The following ABCC1 variants were observed in gnomAD, a reference collection of about 807,000 sequenced individuals.
The protein encoded by ABCC1 is ATP binding cassette subfamily C member 1 (ABCC1 blood group), also known as multidrug resistance-associated protein 1.
Under a neutral mutation model 172.9 loss-of-function variants are expected in ABCC1, and 83 were observed. The ratio of observed to expected loss-of-function variants is 0.48; its 90% CI spans 0.40 to 0.58. ABCC1 has a LOEUF of 0.58. Among genes scored for constraint, ABCC1 ranks in the 20% least tolerant of loss-of-function variants. The probability of loss-of-function intolerance (pLI) is 0.00; values close to 1 mark genes in which losing one functional copy is unlikely to be tolerated. For synonymous variants in ABCC1, 937 were observed against 825.2 expected, an observed-to-expected ratio of 1.14 and a Z score of -2.32; for missense variants, 1,817 against 2,002.7, an observed-to-expected ratio of 0.91 and a Z score of 1.77.
At chr16:15,959,634 C>G (rs1029446851) in intron 1 of ABCC1, among the ~76,000 whole-genome samples, 1 of 152,166 alleles carries the variant, frequency 6.6e-6, no homozygotes, top group Non-Finnish European at 1.5e-5. Context: ...CCGAAAATGG[C>G]TTTCTTGAGA....
intron 21 of ABCC1, among the ~76,000 whole-genome samples, chr16:16,108,723 G>A (rs968184380): frequency 1.3e-5 from 2 of 151,776 alleles, no homozygotes; most frequent in Non-Finnish European, 2.9e-5. Flanking sequence ...AGCCTTCCAA[G>A]TAGCTGTGAC....
At position 16,142,828 on chromosome 16, in the gene ABCC1, G is replaced by GA. The variant is rs1158252532; in HGVS notation, c.*1549dup. 1 of 152,558 alleles carries GA rather than the reference G, an allele frequency of 6.6e-6. No homozygotes were observed. The highest frequency in any genetic ancestry group is 2.4e-5 in the African/African-American group (1 of 41,436). 9.5% of individuals were successfully genotyped at this position (152,558 alleles called of 1,614,324 possible). A position where few individuals can be genotyped will look rare whatever the true frequency, so the allele number is the denominator to read the frequency against. ...TCGTTAGAGCCCAAAGTGGAATCCGGAAGGCAGCCAGAGCTGAGGCTGCCC... is the reference window on the plus strand; with the variant it reads ...TCGTTAGAGCCCAAAGTGGAATCCGGAAAGGCAGCCAGAGCTGAGGCTGCCC... On this transcript the variant is annotated 3_prime_UTR_variant, in exon 31 of 31. Transcript: ENST00000399410.
In ABCC1 at chr16:16,045,941, C is replaced by G. The variant is rs753969477; in HGVS notation, c.1146C>G (p.His382Gln). 6 of 1,614,070 alleles carry G rather than the reference C, an allele frequency of 3.7e-6. No individual in the cohort carries two copies. In the African/African-American group the frequency reaches 6.7e-5, roughly 18 times the overall value. ...CCTGCCTGCAGACCCTCGTGCTGCA[C>G]CAGTACTTCCACATCTGCTTCGTCA... ...VTACLQTLVLHQYFHICFVSG... is the reference protein window; with the variant it reads ...VTACLQTLVLQQYFHICFVSG... The change falls in exon 9 of 31, where the codon CAC (histidine) becomes CAG (glutamine). Residue 382 changes from histidine to glutamine, a missense_variant. Physicochemically the swap from His to Gln is conservative, Grantham distance 24 (BLOSUM62 0). This residue lies in a region of ABCC1 where 1,412 missense variants were observed against 1,600.3 expected (regional missense o/e 0.88). Coordinates refer to ENST00000399410, the MANE Select transcript of ABCC1 (RefSeq NM_004996.4).
chr16:16,087,157 C>T (rs1256194196), intron 18 of ABCC1, among the ~76,000 whole-genome samples, 166 bp downstream of exon 18: 2 of 152,152 alleles, frequency 1.3e-5, no homozygotes, highest in African/African-American at 2.4e-5. Flanking sequence ...CCTAAGACAG[C>T]CGTCTTGTAC....
chr16:15,953,983 TC>T (rs1156894991), intron 1 of ABCC1, among the ~76,000 whole-genome samples: 1 of 149,554 alleles, frequency 6.7e-6, no homozygotes, highest in Non-Finnish European at 1.5e-5. Flanking sequence ...TTCTCCTACT[TC>T]CTCTGTTTTC....
At chr16:16,102,875 C>G (rs964276518) in intron 20 of ABCC1, among the ~76,000 whole-genome samples, 158 bp downstream of exon 20, 3 of 152,156 alleles carry the variant, frequency 2.0e-5, no homozygotes, top group African/African-American at 7.2e-5. Context: ...TTTCAGAGTA[C>G]AGAGGCCCAA....
chr16:16,092,127 A>G (rs1471662388), intron 19 of ABCC1, among the ~76,000 whole-genome samples: 1 of 152,184 alleles, frequency 6.6e-6, no homozygotes, highest in Non-Finnish European at 1.5e-5. Flanking sequence ...AGGCCCAGCT[A>G]CTGGGGAGGC....
At chr16:16,036,048 C>G (rs572118321) in intron 6 of ABCC1, among the ~76,000 whole-genome samples, 2 of 151,964 alleles carry the variant, frequency 1.3e-5, no homozygotes, top group African/African-American at 4.8e-5. Context: ...CACTCTAGAC[C>G]GGGAGCTGGA....
At chr16:16,072,318 C>CT (rs2050378967) in intron 14 of ABCC1, among the ~76,000 whole-genome samples, 1 of 151,706 alleles carries the variant, frequency 6.6e-6, no homozygotes. Context: ...GTAGCTAGAA[C>CT]TACAGGCACA....
At chr16:16,085,759 G>A (rs948654297) in intron 17 of ABCC1, among the ~76,000 whole-genome samples, 4 of 152,206 alleles carry the variant, frequency 2.6e-5, no homozygotes, top group African/African-American at 9.6e-5. Flanking sequence ...CAGCCTGGGC[G>A]ACAGAGTGAG....
chr16:16,119,430 G>C (rs1205606305), intron 23 of ABCC1, among the ~76,000 whole-genome samples: 1 of 152,152 alleles, frequency 6.6e-6, no homozygotes, highest in East Asian at 1.9e-4. Context: ...GACAGGGCGA[G>C]TTGTCTGAAA....
chr16:15,977,526 G>A (rs555506988), intron 1 of ABCC1, among the ~76,000 whole-genome samples: 2 of 151,906 alleles, frequency 1.3e-5, no homozygotes, highest in East Asian at 3.9e-4. Context: ...ATGAGCCTCT[G>A]TGGCCAGCTT....
In ABCC1 at chr16:15,958,690, C is replaced by T. The variant is rs191180842; in HGVS notation, c.48+8891C>T. On this transcript the variant is annotated intron_variant, in intron 1 of 30. Transcript: ENST00000399410. Reference sequence around the variant, plus strand: ...TGGCCAGACATCCTGAGGCAAGCTTCCCCCCGCTTAGCAAGAAAACTGGGA... The same window carrying T: ...TGGCCAGACATCCTGAGGCAAGCTTTCCCCCGCTTAGCAAGAAAACTGGGA... Among the ~76,000 whole-genome samples, 197 of 152,268 alleles carry T rather than the reference C, an allele frequency of 1.3e-3. 1 individual carries two copies. Among genetic ancestry groups the T allele is most frequent in the African/African-American group, 4.6e-3 (191 of 41,536 alleles).
At chr16:16,096,078 C>T (rs1231861853) in intron 19 of ABCC1, among the ~76,000 whole-genome samples, 1 of 152,066 alleles carries the variant, frequency 6.6e-6, no homozygotes, top group African/African-American at 2.4e-5. Flanking sequence ...ACCAGCCTCG[C>T]CAACATGGTG....
At chr16:16,057,807 G>A (rs369300339) in intron 12 of ABCC1, among the ~76,000 whole-genome samples, 2 of 151,992 alleles carry the variant, frequency 1.3e-5, no homozygotes, top group East Asian at 3.9e-4. Flanking sequence ...ATGGGGTCTC[G>A]CTCTGTCCCC....
intron 1 of ABCC1, among the ~76,000 whole-genome samples, chr16:15,995,162 T>G (rs1262427344): frequency 6.6e-6 from 1 of 151,786 alleles, no homozygotes; most frequent in Admixed American, 6.6e-5. Context: ...AATTCCTGAC[T>G]GTGTATGCTG....
At chr16:16,088,950 C>A (rs539848191) in intron 18 of ABCC1, among the ~76,000 whole-genome samples, 2 of 152,156 alleles carry the variant, frequency 1.3e-5, no homozygotes, top group Non-Finnish European at 2.9e-5. Context: ...CTCAAGGAAT[C>A]CTCCCGTTTT....
intron 20 of ABCC1, among the ~76,000 whole-genome samples, chr16:16,105,963 G>T (rs1051177811): frequency 1.3e-5 from 2 of 148,274 alleles, no homozygotes; most frequent in Non-Finnish European, 3.0e-5. Context: ...TGCAATTTCT[G>T]CCTCTGGGAT....
chr16:16,082,003 A>G (rs1039424465), intron 16 of ABCC1, among the ~76,000 whole-genome samples: 2 of 152,138 alleles, frequency 1.3e-5, no homozygotes, highest in Non-Finnish European at 2.9e-5. Context: ...GAGCGACAGC[A>G]AGGCTTCGTT....
Sources: gnomAD v4.1 joint callset for allele counts (sites outside exome capture counted in the v4.1 genomes callset) on GRCh38, gnomAD v4.1.1 for gene constraint, gnomAD v4.1.1 regional missense constraint, MANE v1.5 for transcripts, NCBI Gene and HGNC (gene_info 2026-07-23, HGNC 2026-07-21) for gene names.